The following PALM2AKAP2 variants were observed in gnomAD, a reference collection of about 807,000 sequenced individuals.
PALM2AKAP2 encodes the protein PALM2-AKAP2 fusion protein.
In PALM2AKAP2, 37 loss-of-function variants were observed where a neutral mutation model predicts 71.5. The ratio of observed to expected loss-of-function variants is 0.52; its 90% CI spans 0.40 to 0.68. The LOEUF is 0.68. Ranked by LOEUF, PALM2AKAP2 falls within the 30% of genes least tolerant of loss-of-function variation. The pLI is 0.00. For missense variants in PALM2AKAP2, 1,224 were observed against 1,191.8 expected (o/e 1.03, Z -0.40); for synonymous variants, 468 against 478.8 (o/e 0.98, Z 0.29).
intron 1 of PALM2AKAP2, among the ~76,000 whole-genome samples, chr9:109,661,794 A>G (rs916664416): frequency 6.6e-6 from 1 of 152,218 alleles, no homozygotes; most frequent in South Asian, 2.1e-4. Context: ...TTTCCTGTCC[A>G]TGAGCATGGA....
chr9:109,876,725 C>T (rs1026475021), intron 2 of PALM2AKAP2, among the ~76,000 whole-genome samples: 1 of 152,238 alleles, frequency 6.6e-6, no homozygotes, highest in Non-Finnish European at 1.5e-5. Flanking sequence ...GGTGATCCAC[C>T]TGCCTTGGCC....
rs117994646 is a variant in PALM2AKAP2 at position 109,677,390 on chromosome 9, G to T, written c.5+36524G>T. On this transcript the variant is annotated intron_variant, in intron 1 of 6. Transcript: ENST00000374531. ...TATAGAATTTTTGCCATACCAGGTTGGGCGCGGTGGCTCATGCCTGTAATC... is the reference window on the plus strand; with the variant it reads ...TATAGAATTTTTGCCATACCAGGTTTGGCGCGGTGGCTCATGCCTGTAATC... 2.3e-3 allele frequency among the ~76,000 whole-genome samples: 346 copies of T among 152,194 alleles called. 12 individuals carry two copies. The East Asian group carries it at 0.06, about 26-fold the overall frequency.
Position 110,133,944 on chromosome 9 carries a change from G to A in PALM2AKAP2, c.157-2183G>A, listed in dbSNP as rs540178813. ...TTGTGTAATGCTTAATGATATATGA[G>A]TAGAAGTTACTGACAATGTCTCATC... On this transcript the variant is annotated intron_variant, in intron 1 of 3. Transcript: ENST00000374525. Among the ~76,000 whole-genome samples, 10 of 152,304 alleles carry A rather than the reference G, an allele frequency of 6.6e-5. No homozygotes were observed. The South Asian group carries it at 1.7e-3, about 25-fold the overall frequency.
At chr9:110,006,438 A>G (rs192774846) in intron 6 of PALM2AKAP2, among the ~76,000 whole-genome samples, 2 of 149,886 alleles carry the variant, frequency 1.3e-5, no homozygotes, top group Admixed American at 6.8e-5. Context: ...TGCAGCTTCT[A>G]CCTCCTGGGC....
chr9:109,890,817 A>G (rs991517447), intron 3 of PALM2AKAP2, among the ~76,000 whole-genome samples: 1 of 152,238 alleles, frequency 6.6e-6, no homozygotes, highest in Admixed American at 6.5e-5. Context: ...ACGCAGAGTG[A>G]GGAGATACCA....
intron 1 of PALM2AKAP2, among the ~76,000 whole-genome samples, chr9:109,730,393 A>G (rs907586595): frequency 2.0e-5 from 3 of 152,228 alleles, no homozygotes; most frequent in South Asian, 2.1e-4. Context: ...GAGGTGATGA[A>G]ACATTTCTAG....
At chr9:109,764,428 C>A (rs961297889) in intron 1 of PALM2AKAP2, among the ~76,000 whole-genome samples, 1 of 152,126 alleles carries the variant, frequency 6.6e-6, no homozygotes, top group Non-Finnish European at 1.5e-5. Flanking sequence ...TATACTACCT[C>A]CCCCCTAGCC....
chr9:110,119,777 C>T (rs185419874), intron 1 of PALM2AKAP2, among the ~76,000 whole-genome samples: 34 of 152,166 alleles, frequency 2.2e-4, no homozygotes, highest in Admixed American at 9.2e-4. Flanking sequence ...CCTTTTTTAT[C>T]GATTGCAAGG....
At chr9:110,122,274 C>G (rs1320031188) in intron 1 of PALM2AKAP2, among the ~76,000 whole-genome samples, 1 of 152,230 alleles carries the variant, frequency 6.6e-6, no homozygotes, top group Admixed American at 6.5e-5. Context: ...GTGATCGATT[C>G]TCCCGCTTCA....
chr9:109,963,003 C>G (rs991211950), intron 6 of PALM2AKAP2, among the ~76,000 whole-genome samples: 1 of 152,288 alleles, frequency 6.6e-6, no homozygotes, highest in East Asian at 1.9e-4. Context: ...GTTCAGAGCA[C>G]TTGTGCTTGT....
At chr9:110,153,129 T>G (rs1346697324) in intron 2 of PALM2AKAP2, among the ~76,000 whole-genome samples, 1 of 152,230 alleles carries the variant, frequency 6.6e-6, no homozygotes, top group Non-Finnish European at 1.5e-5. Context: ...TGGAAAAACT[T>G]GCTCAAGGGA....
At chr9:110,151,637 A>C (rs1836317245) in intron 2 of PALM2AKAP2, among the ~76,000 whole-genome samples, 1 of 152,346 alleles carries the variant, frequency 6.6e-6, no homozygotes, top group African/African-American at 2.4e-5. Flanking sequence ...GGAGTCAACC[A>C]AGTGAAGCCA....
intron 3 of PALM2AKAP2, among the ~76,000 whole-genome samples, chr9:109,921,774 A>G (rs1008284251): frequency 4.6e-5 from 7 of 152,166 alleles, no homozygotes; most frequent in African/African-American, 1.7e-4. Context: ...GTTAGAGTGG[A>G]GCTGATAGGT....
At chr9:109,952,969 C>A (rs182602935) in intron 6 of PALM2AKAP2, among the ~76,000 whole-genome samples, 34 of 152,298 alleles carry the variant, frequency 2.2e-4, no homozygotes, top group African/African-American at 7.7e-4. Context: ...GAGAAAGTGT[C>A]TGTTGCCCAA....
At chr9:109,780,219 C>G, upstream of PALM2AKAP2, 1 of 999,132 alleles carries the variant, frequency 1.0e-6, no homozygotes, top group Non-Finnish European at 1.2e-6. Context: ...TCGGCTGGCG[C>G]GGCCGGCGGC....
intron 1 of PALM2AKAP2, among the ~76,000 whole-genome samples, chr9:110,054,381 A>G (rs1326770004): frequency 2.6e-5 from 4 of 151,922 alleles, no homozygotes; most frequent in Non-Finnish European, 5.9e-5. Context: ...CCTGGGCAAC[A>G]AGAGTGAAAC....
chr9:109,810,876 C>G (rs528890093), intron 1 of PALM2AKAP2, among the ~76,000 whole-genome samples: 1 of 152,080 alleles, frequency 6.6e-6, no homozygotes, highest in Non-Finnish European at 1.5e-5. Flanking sequence ...GATAGCAGAG[C>G]CCACAGAATG....
chr9:109,843,322 A>AG (rs1828760164), intron 1 of PALM2AKAP2, among the ~76,000 whole-genome samples: 1 of 150,880 alleles, frequency 6.6e-6, no homozygotes, highest in Admixed American at 6.6e-5. Flanking sequence ...AAAAAAAAAA[A>AG]AAGAAGAAGA....
intron 1 of PALM2AKAP2, among the ~76,000 whole-genome samples, chr9:109,744,580 A>G (rs373508933): frequency 6.6e-6 from 1 of 152,194 alleles, no homozygotes; most frequent in African/African-American, 2.4e-5. Context: ...TAGAGGGTCT[A>G]AGACAGCAAT....
Sources: gnomAD v4.1 joint callset for allele counts (sites outside exome capture counted in the v4.1 genomes callset) on GRCh38, gnomAD v4.1.1 for gene constraint, MANE v1.5 for transcripts, NCBI Gene and HGNC (gene_info 2026-07-23, HGNC 2026-07-21) for gene names.